VRK2: variants seen among roughly 807,000 people sequenced by gnomAD.
VRK2 encodes serine/threonine-protein kinase VRK2.
In VRK2, 60 loss-of-function variants were observed where a neutral mutation model predicts 57.6. That is an observed-to-expected ratio of 1.04 (90% CI 0.85 to 1.29). The LOEUF (loss-of-function observed/expected upper bound fraction) is 1.29, where lower values mean the gene tolerates loss of function less well. Among genes scored for constraint, VRK2 ranks in the 50% most tolerant of loss-of-function variants. VRK2 has a pLI of 0.00. For synonymous variants in VRK2, 231 were observed against 199.2 expected (o/e 1.16, Z -1.35); for missense variants, 705 against 588.1 (o/e 1.20, Z -2.06).
At chr2:58,074,527 A>G (rs1052139007) in intron 2 of VRK2, among the ~76,000 whole-genome samples, 3 of 152,108 alleles carry the variant, frequency 2.0e-5, no homozygotes, top group African/African-American at 7.2e-5. Context: ...TTACTTTCAA[A>G]TAACACTATA....
intron 2 of VRK2, among the ~76,000 whole-genome samples, chr2:58,057,406 A>G (rs1465558564): frequency 2.6e-5 from 4 of 152,174 alleles, no homozygotes; most frequent in Non-Finnish European, 5.9e-5. Context: ...TACTTAATCC[A>G]TAGATTGTAG....
At chr2:57,991,775 G>A (rs1303163405) in intron 1 of VRK2, among the ~76,000 whole-genome samples, 5 of 145,654 alleles carry the variant, frequency 3.4e-5, no homozygotes, top group African/African-American at 7.8e-5. Context: ...GTGAAACCCC[G>A]TCTCTACTAA....
At chr2:57,931,240 T>G (rs1670713924) in intron 1 of VRK2, among the ~76,000 whole-genome samples, 1 of 152,134 alleles carries the variant, frequency 6.6e-6, no homozygotes, top group African/African-American at 2.4e-5. Flanking sequence ...GCTGTACCAA[T>G]TTACATTCCC....
At chr2:58,136,210 A>C (rs1030286020) in intron 10 of VRK2, among the ~76,000 whole-genome samples, 1 of 152,150 alleles carries the variant, frequency 6.6e-6, no homozygotes, top group African/African-American at 2.4e-5. Context: ...CAATAAGCCT[A>C]TCCCCACATG....
intron 1 of VRK2, among the ~76,000 whole-genome samples, chr2:57,999,798 GTAGT>G (rs1281731565): frequency 6.6e-6 from 1 of 152,230 alleles, no homozygotes; most frequent in East Asian, 1.9e-4. Context: ...GAAGTATAAG[GTAGT>G]TAAAGTAGAG....
intron 1 of VRK2, among the ~76,000 whole-genome samples, chr2:57,921,179 G>C (rs1039623305): frequency 6.6e-6 from 1 of 152,030 alleles, no homozygotes; most frequent in African/African-American, 2.4e-5. Context: ...GTGCTTATTA[G>C]GGATGCCACT....
Position 58,088,472 on chromosome 2 carries a change from C to G in VRK2, c.450+26C>G, listed in dbSNP as rs370953720. On this transcript the variant is annotated intron_variant, in intron 6 of 12. Coordinates refer to ENST00000340157, the MANE Select transcript of VRK2 (RefSeq NM_006296.7). ...GTAAGAATTACTTATTTCGCATGCT[C>G]CATTTCCAAATTGTTTACTTCTTGC... is the stretch of plus-strand genomic sequence containing the variant. 40 of 1,491,832 alleles carry G rather than the reference C, an allele frequency of 2.7e-5. 1 individual carries two copies. The highest frequency in any genetic ancestry group is 7.0e-5 in the South Asian group (6 of 86,168). 92.4% of individuals were successfully genotyped at this position (1,491,832 alleles called of 1,614,324 possible).
chr2:58,158,864 AC>A (rs1684491984), intron 12 of VRK2, among the ~76,000 whole-genome samples: 1 of 152,020 alleles, frequency 6.6e-6, no homozygotes, highest in South Asian at 2.1e-4. Flanking sequence ...CACTATAGCT[AC>A]CCCTGAGGCA....
At chr2:57,973,442 T>A (rs1416182982) in intron 1 of VRK2, among the ~76,000 whole-genome samples, 1 of 151,900 alleles carries the variant, frequency 6.6e-6, no homozygotes, top group Non-Finnish European at 1.5e-5. Flanking sequence ...CTCAAAATAG[T>A]CTAAAAAGCA....
At chr2:58,079,093 G>T (rs964496879) in intron 2 of VRK2, among the ~76,000 whole-genome samples, 1 of 152,104 alleles carries the variant, frequency 6.6e-6, no homozygotes, top group Non-Finnish European at 1.5e-5. Context: ...AAGAGTACCA[G>T]CTAGTATTTT....
intron 11 of VRK2, among the ~76,000 whole-genome samples, chr2:58,145,413 A>T (rs1372801821): frequency 6.6e-6 from 1 of 151,992 alleles, no homozygotes; most frequent in Non-Finnish European, 1.5e-5. Flanking sequence ...TATTCACATT[A>T]ATTAGGCTCA....
At chr2:58,021,469 G>A (rs868755595) in intron 1 of VRK2, among the ~76,000 whole-genome samples, 5 of 152,024 alleles carry the variant, frequency 3.3e-5, no homozygotes, top group South Asian at 4.1e-4. Context: ...CAATTTATAC[G>A]TATGCTTGGA....
rs964385900 is a variant in VRK2 at position 58,154,667 on chromosome 2, G to T, written c.1183-4682G>T. 8 of 708,816 alleles carry T rather than the reference G, an allele frequency of 1.1e-5. No individual in the cohort carries two copies. The African/African-American group carries it at 1.2e-4, about 11-fold the overall frequency. 43.9% of individuals were successfully genotyped at this position (708,816 alleles called of 1,614,324 possible). A position where few individuals can be genotyped will look rare whatever the true frequency, so the allele number is the denominator to read the frequency against. ...GGGTCTCTTTGACCCATTTAAAGGGGTCTTTAAATTTTAAAGCATTTGGAG... is the reference window on the plus strand; with the variant it reads ...GGGTCTCTTTGACCCATTTAAAGGGTTCTTTAAATTTTAAAGCATTTGGAG... On this transcript the variant is annotated intron_variant, in intron 12 of 12. Coordinates refer to ENST00000340157, the MANE Select transcript of VRK2 (RefSeq NM_006296.7).
At chr2:57,930,882 T>C (rs960095211) in intron 1 of VRK2, among the ~76,000 whole-genome samples, 1 of 152,196 alleles carries the variant, frequency 6.6e-6, no homozygotes, top group Admixed American at 6.5e-5. Context: ...CTTAATATAA[T>C]ATCCTCCCGG....
chr2:57,999,919 G>A (rs1673041669), intron 1 of VRK2, among the ~76,000 whole-genome samples: 4 of 152,126 alleles, frequency 2.6e-5, no homozygotes, highest in Admixed American at 6.5e-5. Context: ...GAGGTAGAAG[G>A]ATCATCTTGA....
intron 2 of VRK2, among the ~76,000 whole-genome samples, chr2:58,059,391 C>G (rs541496947): frequency 1.4e-3 from 218 of 151,980 alleles, no homozygotes; most frequent in African/African-American, 5.1e-3. Context: ...GTTTAAATCT[C>G]TGTGATATGA....
intron 2 of VRK2, among the ~76,000 whole-genome samples, chr2:58,069,914 C>T (rs1431198328): frequency 6.6e-6 from 1 of 152,100 alleles, no homozygotes; most frequent in Non-Finnish European, 1.5e-5. Flanking sequence ...AATGGAATAT[C>T]TGATTCAAGT....
In VRK2 at chr2:58,159,665, TA is replaced by T; in HGVS notation, c.1500del (p.Val501TyrfsTer43). 4.3e-6 allele frequency: 7 copies of T among 1,613,136 alleles called. No individual in the cohort carries two copies. Among genetic ancestry groups the T allele is most frequent in the Non-Finnish European group, 5.9e-6 (7 of 1,179,556 alleles). On this transcript the variant is annotated frameshift_variant, in exon 13 of 13. Coordinates refer to ENST00000340157, the MANE Select transcript of VRK2 (RefSeq NM_006296.7). LOFTEE classifies it high-confidence loss of function. ...ATCATCATACCTGTCCTTTTGATGT[TA>T]GTATTTCTTGCTTTATTTTTTCTCT... ...YRIIIPVLLM[L>X]VFLALFFL
intron 8 of VRK2, among the ~76,000 whole-genome samples, chr2:58,130,768 A>T (rs977022108): frequency 1.3e-5 from 2 of 152,200 alleles, no homozygotes; most frequent in African/African-American, 4.8e-5. Flanking sequence ...CCCTACACAG[A>T]TGAACATTCG....
Sources: allele counts gnomAD v4.1 joint callset (sites outside exome capture counted in the v4.1 genomes callset), GRCh38; gene constraint gnomAD v4.1.1; transcripts MANE v1.5; gene names NCBI Gene and HGNC (gene_info 2026-07-23, HGNC 2026-07-21).